The following AKT3 variants were observed in gnomAD, a reference collection of about 807,000 sequenced individuals.
AKT3 encodes RAC-gamma serine/threonine-protein kinase.
Under a neutral mutation model 65.3 loss-of-function variants are expected in AKT3, and 15 were observed. The ratio of observed to expected loss-of-function variants is 0.23; its 90% CI spans 0.15 to 0.35. AKT3 has a LOEUF of 0.35. AKT3 is among the 10% of genes least tolerant of loss of function. The probability of loss-of-function intolerance (pLI) is 1.00; values close to 1 mark genes in which losing one functional copy is unlikely to be tolerated. For synonymous variants in AKT3, 206 were observed against 183.8 expected, an observed-to-expected ratio of 1.12 and a Z score of -0.98; for missense variants, 243 against 576.5, an observed-to-expected ratio of 0.42 and a Z score of 5.92.
chr1:243,772,301 G>C (rs1192715033), intron 2 of AKT3, among the ~76,000 whole-genome samples: 1 of 151,890 alleles, frequency 6.6e-6, no homozygotes, highest in Non-Finnish European at 1.5e-5. Flanking sequence ...CTGACAAAGG[G>C]CTAATATCCA....
intron 4 of AKT3, among the ~76,000 whole-genome samples, chr1:243,650,788 C>A (rs1053994483): frequency 6.6e-6 from 1 of 152,130 alleles, no homozygotes; most frequent in African/African-American, 2.4e-5. Context: ...TAGTAGCATG[C>A]TGTTTTTGTT....
intron 12 of AKT3, among the ~76,000 whole-genome samples, chr1:243,534,511 C>A (rs1270066379): frequency 6.6e-6 from 1 of 152,172 alleles, no homozygotes; most frequent in African/African-American, 2.4e-5. Flanking sequence ...GATTTAATAT[C>A]AACATTATGG....
chr1:243,773,075 A>G (rs996769242), intron 2 of AKT3, among the ~76,000 whole-genome samples: 8 of 150,932 alleles, frequency 5.3e-5, no homozygotes, highest in Admixed American at 4.0e-4. Flanking sequence ...ATTAGGAGAT[A>G]TATCTAATGT....
At chr1:243,765,303 A>G (rs1310941357) in intron 2 of AKT3, among the ~76,000 whole-genome samples, 2 of 152,138 alleles carry the variant, frequency 1.3e-5, no homozygotes, top group African/African-American at 4.8e-5. Flanking sequence ...GAGAATTTTC[A>G]TAAATATCTT....
At chr1:243,609,685 A>G (rs1240338547) in intron 8 of AKT3, among the ~76,000 whole-genome samples, 2 of 152,198 alleles carry the variant, frequency 1.3e-5, no homozygotes, top group Non-Finnish European at 2.9e-5. Context: ...AAAATATTAA[A>G]TAATACTTAT....
chr1:243,724,397 G>A (rs962581176), intron 2 of AKT3, among the ~76,000 whole-genome samples: 1 of 152,106 alleles, frequency 6.6e-6, no homozygotes, highest in African/African-American at 2.4e-5. Flanking sequence ...ACTATTAGGT[G>A]AGCAAATCAG....
chr1:243,619,266 A>C (rs1423911221), intron 6 of AKT3, among the ~76,000 whole-genome samples: 1 of 152,136 alleles, frequency 6.6e-6, no homozygotes, highest in African/African-American at 2.4e-5. Context: ...TTCGGGGTAC[A>C]TGTGTTGTTT....
At chr1:243,758,880 G>T (rs1190360567) in intron 2 of AKT3, among the ~76,000 whole-genome samples, 3 of 152,194 alleles carry the variant, frequency 2.0e-5, no homozygotes, top group Non-Finnish European at 4.4e-5. Context: ...CAGGCTGGGG[G>T]TTGGGGACAC....
At chr1:243,652,882 A>T (rs1681481293) in intron 4 of AKT3, among the ~76,000 whole-genome samples, 1 of 152,050 alleles carries the variant, frequency 6.6e-6, no homozygotes, top group Non-Finnish European at 1.5e-5. Context: ...ATAATGGTAA[A>T]GGGATCGATG....
intron 13 of AKT3, among the ~76,000 whole-genome samples, chr1:243,493,772 C>T (rs896962812): frequency 9.9e-5 from 15 of 151,682 alleles, no homozygotes; most frequent in African/African-American, 3.2e-4. Context: ...TCAAGATCAT[C>T]GACATTATCT....
rs932615276 is a variant in AKT3, at chr1:243,767,428, A to G, written c.47-71712T>C. Among the ~76,000 whole-genome samples, 4 of 152,156 alleles carry G rather than the reference A, an allele frequency of 2.6e-5. No individual in the cohort carries two copies. The East Asian group carries it at 7.7e-4, about 29-fold the overall frequency. On this transcript the variant is annotated intron_variant, in intron 2 of 13. Coordinates refer to ENST00000673466, the MANE Select transcript of AKT3 (RefSeq NM_005465.7). Reference sequence around the variant, plus strand: ...TAATTAATCACAAAGATGAGCATAGACTAATATATGAACCACATTCTCATA... The same window carrying G: ...TAATTAATCACAAAGATGAGCATAGGCTAATATATGAACCACATTCTCATA...
chr1:243,585,423 G>C (rs1034203591), intron 8 of AKT3, among the ~76,000 whole-genome samples: 1 of 151,398 alleles, frequency 6.6e-6, no homozygotes, highest in African/African-American at 2.4e-5. Flanking sequence ...AAAAGAGCCA[G>C]AATAGCCAAA....
intron 6 of AKT3, among the ~76,000 whole-genome samples, chr1:243,620,641 T>C (rs906395432): frequency 6.6e-6 from 1 of 152,134 alleles, no homozygotes; most frequent in African/African-American, 2.4e-5. Context: ...TAATACTTCT[T>C]CCATTCTCCA....
Position 243,527,924 on chromosome 1 carries a change from CACACACACACACAGAGAG to C in AKT3, c.1252-15516_1252-15499del, listed in dbSNP as rs1479606012. On this transcript the variant is annotated intron_variant, in intron 12 of 13. Transcript: ENST00000673466. Reference sequence around the variant, plus strand: ...ACACACACACACACACACACACACACACACACACACACAGAGAGAGAGAGAGAGAGAGAGAATTTGAGG... The same window carrying C: ...ACACACACACACACACACACACACACAGAGAGAGAGAGAGAGAATTTGAGG... Among the ~76,000 whole-genome samples, 99 of 71,410 alleles carry C rather than the reference CACACACACACACAGAGAG, an allele frequency of 1.4e-3. No homozygotes were observed. The Middle Eastern group carries it at 0.019, about 13-fold the overall frequency. 46.8% of individuals were successfully genotyped at this position (71,410 alleles called of 152,430 possible). A position where few individuals can be genotyped will look rare whatever the true frequency, so the allele number is the denominator to read the frequency against.
intron 2 of AKT3, among the ~76,000 whole-genome samples, chr1:243,812,983 A>G (rs991202513): frequency 7.3e-6 from 1 of 136,918 alleles, no homozygotes; most frequent in African/African-American, 2.7e-5. Context: ...AACAGTGAGA[A>G]CACTTGGACA....
intron 2 of AKT3, among the ~76,000 whole-genome samples, chr1:243,790,526 G>A (rs1691562519): frequency 6.6e-6 from 1 of 152,150 alleles, no homozygotes; most frequent in African/African-American, 2.4e-5. Flanking sequence ...GATCTACCCA[G>A]ACCACTCAAA....
In AKT3 at chr1:243,620,128, C is replaced by T. The variant is rs547049984; in HGVS notation, c.562-4967G>A. ...TGGGATCAGGGGGCAGTGTCCCCCACGCTGTTCTTGTGATAGTGAGTGAAT... is the reference window on the plus strand; with the variant it reads ...TGGGATCAGGGGGCAGTGTCCCCCATGCTGTTCTTGTGATAGTGAGTGAAT... On this transcript the variant is annotated intron_variant, in intron 6 of 13. Transcript: ENST00000673466. 2.4e-4 allele frequency among the ~76,000 whole-genome samples: 23 copies of T among 97,680 alleles called. 8 individuals carry two copies. Among genetic ancestry groups the T allele is most frequent in the African/African-American group, 2.1e-4 (8 of 37,874 alleles). The allele number at this position is 97,680 out of a possible 152,430, so 64.1% of individuals were successfully genotyped here.
chr1:243,609,939 CATCT>C (rs945844303), intron 8 of AKT3, among the ~76,000 whole-genome samples: 13 of 152,088 alleles, frequency 8.5e-5, no homozygotes, highest in African/African-American at 3.1e-4. Flanking sequence ...AAAGTCCCAC[CATCT>C]ATCTATCTGT....
chr1:243,581,247 A>T (rs1029454983), intron 8 of AKT3, among the ~76,000 whole-genome samples: 34 of 152,032 alleles, frequency 2.2e-4, no homozygotes, highest in African/African-American at 8.0e-4. Context: ...CCCTCTGCCA[A>T]CCCCCTGACC....
Sources: allele counts gnomAD v4.1 joint callset (sites outside exome capture counted in the v4.1 genomes callset), GRCh38; gene constraint gnomAD v4.1.1; transcripts MANE v1.5; gene names NCBI Gene and HGNC (gene_info 2026-07-23, HGNC 2026-07-21).